BLNK: variants seen among roughly 807,000 people sequenced by gnomAD.
BLNK encodes B cell linker, also known as B-cell linker protein.
A neutral mutation model predicts 73.5 loss-of-function variants in BLNK; 29 were observed. The observed-to-expected ratio is 0.39, with a 90% CI of 0.29 to 0.54. BLNK has a LOEUF of 0.54. Ranked by LOEUF, BLNK falls within the 20% of genes least tolerant of loss-of-function variation. The pLI, the probability that BLNK is intolerant of heterozygous loss-of-function variation, is 0.61. For synonymous variants in BLNK, 176 were observed against 200.8 expected (o/e 0.88, Z 1.04); for missense variants, 460 against 562.8 (o/e 0.82, Z 1.85).
At chr10:96,204,154 T>C in intron 12 of BLNK, 66 bp from the exon 13 acceptor site, 2 of 1,516,550 alleles carry the variant, frequency 1.3e-6, no homozygotes, top group Non-Finnish European at 1.8e-6. Flanking sequence ...ACTTTTTGTT[T>C]ACACTGATGA....
At chr10:96,246,352 A>T (rs1843044276) in intron 2 of BLNK, among the ~76,000 whole-genome samples, 1 of 152,230 alleles carries the variant, frequency 6.6e-6, no homozygotes, top group Non-Finnish European at 1.5e-5. Flanking sequence ...CAGGAGTTCA[A>T]GACCAGCCTG....
intron 10 of BLNK, among the ~76,000 whole-genome samples, 196 bp from the exon 11 acceptor site, chr10:96,207,249 C>T (rs1220816441): frequency 6.6e-6 from 1 of 152,206 alleles, no homozygotes; most frequent in Non-Finnish European, 1.5e-5. Flanking sequence ...CCAGAAGTGT[C>T]CTATGAAGGA....
At chr10:96,258,925 T>C (rs1843632233) in intron 1 of BLNK, among the ~76,000 whole-genome samples, 1 of 152,206 alleles carries the variant, frequency 6.6e-6, no homozygotes, top group South Asian at 2.1e-4. Context: ...TTCAATAGCA[T>C]TAATATATTC....
chr10:96,246,871 G>T (rs1043007875), intron 2 of BLNK, 113 bp downstream of exon 2: 2 of 752,772 alleles, frequency 2.7e-6, no homozygotes, highest in African/African-American at 1.8e-5. Flanking sequence ...GAAGGGTTAC[G>T]TGCTAAAGAG....
chr10:96,249,344 T>TTGGTGCAGCAG (rs1554908492), intron 1 of BLNK, among the ~76,000 whole-genome samples: 1 of 152,246 alleles, frequency 6.6e-6, no homozygotes, highest in African/African-American at 2.4e-5. Context: ...GGGTTACTTT[T>TTGGTGCAGCAG]TGGTGCAGCA....
chr10:96,232,797 G>A (rs587623076), intron 3 of BLNK, among the ~76,000 whole-genome samples: 1 of 148,074 alleles, frequency 6.8e-6, no homozygotes, highest in African/African-American at 2.5e-5. Flanking sequence ...GGGGGAGTAT[G>A]TTTCTTTTTC....
At chr10:96,220,566 T>C (rs1426991649) in intron 6 of BLNK, among the ~76,000 whole-genome samples, 1 of 152,224 alleles carries the variant, frequency 6.6e-6, no homozygotes, top group Non-Finnish European at 1.5e-5. Context: ...ACCATCACAT[T>C]TTATGTCCTT....
chr10:96,239,370 A>G (rs1554905696), intron 3 of BLNK, among the ~76,000 whole-genome samples: 1 of 152,236 alleles, frequency 6.6e-6, no homozygotes. Flanking sequence ...AGATGAGGAA[A>G]GGAGCATGAG....
intron 16 of BLNK, among the ~76,000 whole-genome samples, 199 bp downstream of exon 16, chr10:96,196,709 T>C (rs1265759673): frequency 1.3e-5 from 2 of 152,222 alleles, no homozygotes; most frequent in Non-Finnish European, 2.9e-5. Context: ...GTACATCACA[T>C]GACTTTTTCC....
At chr10:96,204,979 T>G (rs2305845) in intron 11 of BLNK, 98,288 of 326,106 alleles carry the variant, frequency 0.3, 16,376 homozygotes, top group Non-Finnish European at 0.35. Context: ...CTACTTGCCA[T>G]GTGGCCTCCA....
chr10:96,219,887 G>C (rs1236208233), intron 6 of BLNK, among the ~76,000 whole-genome samples: 1 of 152,210 alleles, frequency 6.6e-6, no homozygotes, highest in East Asian at 1.9e-4. Flanking sequence ...GTGAATGCTG[G>C]CAGTTGTGCC....
rs977847962 is a variant in BLNK at position 96,207,910 on chromosome 10, A to G, written c.747-11T>C. ...GTCGTTGGTTTTTTCCTGGGGAATA[A>G]AAAGAGATGAGCTTTGTTAAAACAC... On this transcript the variant is annotated splice_polypyrimidine_tract_variant and intron_variant, in intron 9 of 16. Transcript: ENST00000224337. 4 of 1,613,874 alleles carry G rather than the reference A, an allele frequency of 2.5e-6. No individual in the cohort carries two copies. The African/African-American group carries it at 5.3e-5, about 22-fold the overall frequency.
intron 8 of BLNK, among the ~76,000 whole-genome samples, chr10:96,211,358 G>T (rs1591312015): frequency 6.6e-6 from 1 of 152,202 alleles, no homozygotes; most frequent in African/African-American, 2.4e-5. Context: ...CCGAGGAAGA[G>T]GTGAAGAAGC....
intron 8 of BLNK, among the ~76,000 whole-genome samples, chr10:96,212,277 G>T (rs1264503164): frequency 6.6e-6 from 1 of 152,124 alleles, no homozygotes; most frequent in African/African-American, 2.4e-5. Flanking sequence ...AAACAATATT[G>T]TTCCCTGATA....
Position 96,237,509 on chromosome 10 carries a change from G to A in BLNK, c.163+5226C>T, listed in dbSNP as rs72637511. ...CATCAGAGCCCAAGAGTGCAAGAGA[G>A]GGGCTCTGTTCAGTTCTGACTCCTC... On this transcript the variant is annotated intron_variant, in intron 3 of 16. Coordinates refer to ENST00000224337, the MANE Select transcript of BLNK (RefSeq NM_013314.4). Among the ~76,000 whole-genome samples, 4,306 of 152,208 alleles carry A rather than the reference G, an allele frequency of 0.028. 404 individuals are homozygous for A. The East Asian group carries it at 0.37, about 13-fold the overall frequency.
chr10:96,204,284 A>T, intron 12 of BLNK, 196 bp from the exon 13 acceptor site: 1 of 741,698 alleles, frequency 1.3e-6, no homozygotes. Context: ...GTTTTGAAAA[A>T]GGAGGAAATC....
intron 1 of BLNK, among the ~76,000 whole-genome samples, chr10:96,264,110 AC>A (rs2134144977): frequency 6.6e-6 from 1 of 152,308 alleles, no homozygotes; most frequent in African/African-American, 2.4e-5. Context: ...CCCAGCATAA[AC>A]GTGGAATGAA....
chr10:96,206,829 A>G (rs2083824067), intron 11 of BLNK, among the ~76,000 whole-genome samples, 182 bp downstream of exon 11: 1 of 152,242 alleles, frequency 6.6e-6, no homozygotes, highest in South Asian at 2.1e-4. Context: ...GCCTACTCTA[A>G]ACATGCTGAG....
chr10:96,203,949 G>T, intron 13 of BLNK, 108 bp downstream of exon 13: 1 of 855,184 alleles, frequency 1.2e-6, no homozygotes, highest in Non-Finnish European at 2.0e-6. Flanking sequence ...AAGATGCCAG[G>T]ATAACGCAGC....
Sources: allele counts gnomAD v4.1 joint callset (sites outside exome capture counted in the v4.1 genomes callset), GRCh38; gene constraint gnomAD v4.1.1; transcripts MANE v1.5; gene names NCBI Gene and HGNC (gene_info 2026-07-23, HGNC 2026-07-21).